Variants in TTC28 observed in about 807,000 individuals in gnomAD.
TTC28 encodes the protein tetratricopeptide repeat domain 28.
TTC28 carries 61 observed loss-of-function variants against 198.0 expected under a neutral mutation model. The observed-to-expected ratio is 0.31, with a 90% CI of 0.25 to 0.38. The LOEUF is 0.38. Ranked by LOEUF, TTC28 falls within the 10% of genes least tolerant of loss-of-function variation. The pLI is 1.00. For missense variants in TTC28, 2,678 were observed against 3,164.0 expected, an observed-to-expected ratio of 0.85 and a Z score of 3.69; for synonymous variants, 1,171 against 1,297.8, an observed-to-expected ratio of 0.90 and a Z score of 2.10.
intron 2 of TTC28, among the ~76,000 whole-genome samples, chr22:28,585,507 G>C (rs147991685): frequency 6.6e-6 from 1 of 152,140 alleles, no homozygotes; most frequent in African/African-American, 2.4e-5. Flanking sequence ...GATAGAGAGC[G>C]GCTGTAAATG....
intron 2 of TTC28, among the ~76,000 whole-genome samples, chr22:28,351,265 T>C (rs1455116476): frequency 2.6e-5 from 4 of 152,124 alleles, no homozygotes; most frequent in Non-Finnish European, 4.4e-5. Flanking sequence ...CCTGACAACA[T>C]GCATTCTACA....
chr22:28,646,121 G>A (rs901874806), intron 1 of TTC28, among the ~76,000 whole-genome samples: 1 of 152,124 alleles, frequency 6.6e-6, no homozygotes, highest in African/African-American at 2.4e-5. Flanking sequence ...AGGAAGGGAG[G>A]AGGTCAAGCT....
chr22:28,097,968 T>A (rs965662873), intron 10 of TTC28, among the ~76,000 whole-genome samples: 19 of 152,212 alleles, frequency 1.2e-4, no homozygotes, highest in Admixed American at 4.6e-4. Context: ...AAGAGGAAAT[T>A]TGAGTCCTTC....
intron 3 of TTC28, among the ~76,000 whole-genome samples, chr22:28,305,593 T>A (rs963229070): frequency 2.0e-5 from 3 of 152,140 alleles, no homozygotes; most frequent in Non-Finnish European, 4.4e-5. Flanking sequence ...CCATCAAAAA[T>A]TTTAGGTTCA....
intron 12 of TTC28, among the ~76,000 whole-genome samples, chr22:28,092,946 T>G (rs1467316379): frequency 1.3e-5 from 2 of 152,198 alleles, no homozygotes; most frequent in Non-Finnish European, 2.9e-5. Flanking sequence ...TTGGCTACTT[T>G]CTCAAAATAT....
At chr22:28,560,976 C>G (rs550817014) in intron 2 of TTC28, among the ~76,000 whole-genome samples, 6 of 150,958 alleles carry the variant, frequency 4.0e-5, no homozygotes, top group African/African-American at 1.2e-4. Flanking sequence ...AGGCTGGTCT[C>G]GAGCTCCTGA....
In TTC28 at chr22:27,982,417, G is replaced by A. The variant is rs1199174564; in HGVS notation, c.7250C>T (p.Ser2417Phe). 6.4e-7 allele frequency: 1 copy of A among 1,551,534 alleles called. No individual in the cohort carries two copies. Among genetic ancestry groups the A allele is most frequent in the South Asian group, 1.2e-5 (1 of 84,048 alleles). Reference sequence around the variant, plus strand: ...TGGAGCTCCGTCATGCTGCTGCAGGGACAGCTCCTTCAGTTCAAGCTTATC... The same window carrying A: ...TGGAGCTCCGTCATGCTGCTGCAGGAACAGCTCCTTCAGTTCAAGCTTATC... ...GVDKLELKEL[S>F]LQQHDGAPPK... Residue 2417 changes from serine to phenylalanine, a missense_variant, in exon 23 of 23, where the codon TCC (serine) becomes TTC (phenylalanine). Physicochemically the swap from Ser to Phe is radical, Grantham distance 155. Around this residue, in one of 8 missense-constraint regions of TTC28, gnomAD observed 622 missense variants for 656.0 expected, o/e 0.95. Transcript: ENST00000397906. This position sits in a 1 kb window ranked among gnomAD's most constrained non-coding sequence, Gnocchi z 5.2.
intron 2 of TTC28, among the ~76,000 whole-genome samples, chr22:28,419,176 T>C (rs1211871026): frequency 1.3e-5 from 2 of 152,192 alleles, no homozygotes; most frequent in Non-Finnish European, 2.9e-5. Flanking sequence ...TGTATAACTC[T>C]CTGAAACTGC....
chr22:28,485,613 G>A (rs1780861722), intron 2 of TTC28, among the ~76,000 whole-genome samples: 1 of 152,090 alleles, frequency 6.6e-6, no homozygotes, highest in South Asian at 2.1e-4. Flanking sequence ...TCCTTGCTGG[G>A]TCTGTGGGGT....
chr22:28,448,522 T>C (rs982391835), intron 2 of TTC28, among the ~76,000 whole-genome samples: 2 of 152,072 alleles, frequency 1.3e-5, no homozygotes, highest in African/African-American at 4.8e-5. Context: ...TTGAAAAATA[T>C]GTTAATTTTC....
intron 1 of TTC28, among the ~76,000 whole-genome samples, chr22:28,677,201 T>C (rs1050716574): frequency 0.017 from 1,516 of 86,922 alleles, 23 homozygotes; most frequent in South Asian, 0.025. Context: ...TATATATATA[T>C]ACACACATAT....
At chr22:28,309,490 T>G (rs903529778) in intron 2 of TTC28, among the ~76,000 whole-genome samples, 2 of 152,202 alleles carry the variant, frequency 1.3e-5, no homozygotes, top group African/African-American at 4.8e-5. Flanking sequence ...TCAGGATATG[T>G]TGAGATTCAC....
intron 1 of TTC28, among the ~76,000 whole-genome samples, chr22:28,648,352 G>T (rs1020786107): frequency 3.5e-4 from 53 of 152,216 alleles, no homozygotes; most frequent in African/African-American, 1.3e-3. Flanking sequence ...AATAGATGTT[G>T]ACATGGATAT....
intron 6 of TTC28, among the ~76,000 whole-genome samples, chr22:28,125,044 A>G (rs1942881319): frequency 6.6e-6 from 1 of 152,248 alleles, no homozygotes; most frequent in South Asian, 2.1e-4. Flanking sequence ...AGTGGCGATA[A>G]TGATGACTGA....
chr22:28,061,137 A>G (rs1473923267), intron 12 of TTC28, among the ~76,000 whole-genome samples: 1 of 152,122 alleles, frequency 6.6e-6, no homozygotes, highest in Non-Finnish European at 1.5e-5. Flanking sequence ...AGATGGGTAG[A>G]TTGCAAAAAT....
At chr22:28,364,829 T>C (rs2046220034) in intron 2 of TTC28, among the ~76,000 whole-genome samples, 1 of 152,214 alleles carries the variant, frequency 6.6e-6, no homozygotes, top group South Asian at 2.1e-4. Flanking sequence ...ATGAGAAAAG[T>C]AAATGGTTCT....
chr22:28,353,007 C>A (rs1478257560), intron 2 of TTC28, among the ~76,000 whole-genome samples: 1 of 152,030 alleles, frequency 6.6e-6, no homozygotes, highest in Non-Finnish European at 1.5e-5. Flanking sequence ...GGGTAGGGAA[C>A]CTCAACAGGC....
At chr22:28,439,335 T>G (rs1016277607) in intron 2 of TTC28, among the ~76,000 whole-genome samples, 1 of 152,170 alleles carries the variant, frequency 6.6e-6, no homozygotes, top group Non-Finnish European at 1.5e-5. Flanking sequence ...CACTATGGTT[T>G]TTTTTCTCAA....
At position 28,332,984 on chromosome 22, in the gene TTC28, G is replaced by A. The variant is rs188574999; in HGVS notation, c.382-26341C>T. Reference sequence around the variant, plus strand: ...GTTTTCATGAGCTCTTCCTACAGCAGAGAACAGCAATGTAAATGTAAAAAA... The same window carrying A: ...GTTTTCATGAGCTCTTCCTACAGCAAAGAACAGCAATGTAAATGTAAAAAA... On this transcript the variant is annotated intron_variant, in intron 2 of 22. Coordinates refer to ENST00000397906, the MANE Select transcript of TTC28 (RefSeq NM_001145418.2). Among the ~76,000 whole-genome samples the A allele has an allele frequency of 3.5e-3, 539 of 152,182 alleles. 9 individuals carry two copies. The highest frequency in any genetic ancestry group is 0.028 in the Admixed American group (429 of 15,272).
Sources: gnomAD v4.1 joint callset for allele counts (sites outside exome capture counted in the v4.1 genomes callset) on GRCh38, gnomAD v4.1.1 for gene constraint, gnomAD v4.1.1 regional missense constraint, Gnocchi (gnomAD v3.1) non-coding constraint, MANE v1.5 for transcripts, NCBI Gene and HGNC (gene_info 2026-07-23, HGNC 2026-07-21) for gene names.